DPP10: variants seen among roughly 807,000 people sequenced by gnomAD.
DPP10 encodes inactive dipeptidyl peptidase 10.
Under a neutral mutation model 120.9 loss-of-function variants are expected in DPP10, and 33 were observed. The ratio of observed to expected loss-of-function variants is 0.27; its 90% CI spans 0.21 to 0.37. The LOEUF (loss-of-function observed/expected upper bound fraction) is 0.37. Among genes scored for constraint, DPP10 ranks in the 10% least tolerant of loss-of-function variants. The pLI, the probability that DPP10 is intolerant of heterozygous loss-of-function variation, is 1.00. For synonymous variants in DPP10, 337 were observed against 326.1 expected (o/e 1.03, Z -0.36); for missense variants, 816 against 942.8 (o/e 0.87, Z 1.76).
intron 1 of DPP10, among the ~76,000 whole-genome samples, chr2:115,137,819 C>A (rs1280091634): frequency 6.6e-6 from 1 of 152,150 alleles, no homozygotes; most frequent in Non-Finnish European, 1.5e-5. Flanking sequence ...CTAGGTACAC[C>A]TGTGCTGTCA....
At chr2:115,505,350 TAG>T (rs1474024563) in intron 4 of DPP10, among the ~76,000 whole-genome samples, 2 of 152,160 alleles carry the variant, frequency 1.3e-5, no homozygotes, top group African/African-American at 4.8e-5. Context: ...TTATATGAAC[TAG>T]AGCTTGGTTC....
chr2:115,183,666 T>A (rs575728436), intron 1 of DPP10, among the ~76,000 whole-genome samples: 2 of 152,308 alleles, frequency 1.3e-5, no homozygotes, highest in South Asian at 4.1e-4. Context: ...CTGTGGATCG[T>A]TTTAAAGGTA....
chr2:114,750,368 G>C (rs973128228), intron 1 of DPP10, among the ~76,000 whole-genome samples: 17 of 150,702 alleles, frequency 1.1e-4, no homozygotes, highest in Non-Finnish European at 2.4e-4. Context: ...GAGTCTTGCT[G>C]TGTCGCCCAG....
chr2:115,349,366 C>T (rs1376362676), intron 3 of DPP10, among the ~76,000 whole-genome samples: 3 of 151,944 alleles, frequency 2.0e-5, no homozygotes, highest in African/African-American at 7.3e-5. Context: ...TTTCTTCATT[C>T]AGAGTGAGGA....
At chr2:115,727,699 A>C in intron 7 of DPP10, 117 bp from the exon 8 acceptor site, 1 of 1,158,172 alleles carries the variant, frequency 8.6e-7, no homozygotes, top group Non-Finnish European at 1.1e-6. Flanking sequence ...AATAAAAACA[A>C]CTTGAAGCCC....
intron 12 of DPP10, among the ~76,000 whole-genome samples, chr2:115,764,149 A>G (rs969853812): frequency 6.6e-6 from 1 of 152,086 alleles, no homozygotes; most frequent in Admixed American, 6.6e-5. Context: ...CTAAGATACA[A>G]GGACATGAGG....
At chr2:114,883,652 A>G (rs1029568225) in intron 1 of DPP10, among the ~76,000 whole-genome samples, 5 of 152,228 alleles carry the variant, frequency 3.3e-5, no homozygotes, top group Non-Finnish European at 5.9e-5. Flanking sequence ...TGGAAAATAA[A>G]AAACAGATGT....
At chr2:114,750,554 C>T (rs190904097) in intron 1 of DPP10, among the ~76,000 whole-genome samples, 5 of 152,140 alleles carry the variant, frequency 3.3e-5, no homozygotes, top group Admixed American at 2.0e-4. Context: ...AAGAGGGTCT[C>T]GATCTCCTAA....
At chr2:115,680,392 G>A (rs2090568886) in intron 5 of DPP10, among the ~76,000 whole-genome samples, 1 of 151,732 alleles carries the variant, frequency 6.6e-6, no homozygotes, top group Non-Finnish European at 1.5e-5. Context: ...TAAGGAAAAG[G>A]CAAACAAATA....
chr2:115,521,946 G>A (rs1021080909), intron 4 of DPP10, among the ~76,000 whole-genome samples: 1 of 152,036 alleles, frequency 6.6e-6, no homozygotes. Context: ...CCCAAGAATT[G>A]TTTTTAAGCT....
chr2:115,596,271 A>G (rs537310966), intron 5 of DPP10, among the ~76,000 whole-genome samples: 1 of 152,346 alleles, frequency 6.6e-6, no homozygotes, highest in South Asian at 2.1e-4. Context: ...TAAAGTCTGA[A>G]GATGTTTCCA....
chr2:115,814,231 A>T (rs1686975970), intron 19 of DPP10, among the ~76,000 whole-genome samples: 1 of 152,152 alleles, frequency 6.6e-6, no homozygotes, highest in Non-Finnish European at 1.5e-5. Context: ...TGCTTGTTTA[A>T]ATTTTCTTCA....
intron 1 of DPP10, among the ~76,000 whole-genome samples, chr2:115,072,639 T>A (rs1269814950): frequency 6.6e-6 from 1 of 152,170 alleles, no homozygotes; most frequent in Non-Finnish European, 1.5e-5. Flanking sequence ...AGAGAAAATG[T>A]GTAAATAAGT....
intron 7 of DPP10, among the ~76,000 whole-genome samples, chr2:115,700,410 C>G (rs890428986): frequency 6.6e-6 from 1 of 151,564 alleles, no homozygotes; most frequent in African/African-American, 2.4e-5. Context: ...AAACAACAAA[C>G]TAGAAATAGG....
intron 1 of DPP10, among the ~76,000 whole-genome samples, chr2:114,537,844 A>C (rs1686636105): frequency 1.3e-5 from 2 of 152,152 alleles, no homozygotes; most frequent in Non-Finnish European, 1.5e-5. Flanking sequence ...CTGTCACATA[A>C]ATGGATTATG....
intron 7 of DPP10, among the ~76,000 whole-genome samples, chr2:115,702,798 G>A (rs1372805103): frequency 1.3e-5 from 2 of 152,102 alleles, no homozygotes; most frequent in Admixed American, 6.6e-5. Flanking sequence ...ACACATCTGT[G>A]CATACAATAC....
chr2:114,727,553 G>A (rs1259237279), intron 1 of DPP10, among the ~76,000 whole-genome samples: 1 of 152,140 alleles, frequency 6.6e-6, no homozygotes, highest in African/African-American at 2.4e-5. Context: ...CCAAACCACT[G>A]GCCTCCATTG....
chr2:115,660,655 C>CTTTTTTTTTTTTTTTTTTTTTTTTCTT, intron 5 of DPP10, among the ~76,000 whole-genome samples: 1 of 25,314 alleles, frequency 4.0e-5, no homozygotes, highest in Non-Finnish European at 8.7e-5. Context: ...CTCTGTCTGG[C>CTTTTTTTTTTTTTTTTTTTTTTTTCTT]TTTTTTTTTT....
chr2:115,445,147 G>T (rs1017580841), intron 3 of DPP10, among the ~76,000 whole-genome samples: 4 of 152,084 alleles, frequency 2.6e-5, no homozygotes, highest in South Asian at 4.1e-4. Flanking sequence ...TGCCATAATT[G>T]TAAGTTTCCT....
Sources: gnomAD v4.1 joint callset for allele counts (sites outside exome capture counted in the v4.1 genomes callset) on GRCh38, gnomAD v4.1.1 for gene constraint, MANE v1.5 for transcripts, NCBI Gene and HGNC (gene_info 2026-07-23, HGNC 2026-07-21) for gene names.